The following ZNF385D variants were observed in gnomAD, a reference collection of about 807,000 sequenced individuals.
ZNF385D encodes the protein zinc finger protein 659.
In ZNF385D, 15 loss-of-function variants were observed where a neutral mutation model predicts 35.8. That is an observed-to-expected ratio of 0.42 (90% CI 0.28 to 0.64). ZNF385D has a LOEUF of 0.64. ZNF385D is among the 30% of genes least tolerant of loss of function. The pLI, the probability that ZNF385D is intolerant of heterozygous loss-of-function variation, is 0.23. For missense variants in ZNF385D, 474 were observed against 494.6 expected (o/e 0.96, Z 0.39); for synonymous variants, 212 against 186.8 (o/e 1.13, Z -1.10).
chr3:22,083,789 C>A lies in ZNF385D; in HGVS notation c.325+85028G>T, dbSNP rs577785924. Among the ~76,000 whole-genome samples, 189 of 152,222 alleles carry A rather than the reference C, an allele frequency of 1.2e-3. 1 individual carries two copies. The highest frequency in any genetic ancestry group is 4.4e-3 in the African/African-American group (181 of 41,536). On this transcript the variant is annotated intron_variant, in intron 3 of 5. Transcript: ENST00000494108. ...CTAAGACACATAATTGTCAGATTCA[C>A]CAGGGTTGAAATGAAGGAAAAAATG...
intron 2 of ZNF385D, among the ~76,000 whole-genome samples, chr3:21,602,700 T>C (rs1056985153): frequency 2.2e-5 from 3 of 138,682 alleles, no homozygotes; most frequent in African/African-American, 9.8e-5. Flanking sequence ...GCCCGGCTAA[T>C]TTTTTTGTAT....
chr3:21,625,192 C>G (rs997763808), intron 2 of ZNF385D, among the ~76,000 whole-genome samples: 1 of 152,046 alleles, frequency 6.6e-6, no homozygotes, highest in African/African-American at 2.4e-5. Context: ...AAATAAGAAG[C>G]AAAGGAAATG....
intron 3 of ZNF385D, among the ~76,000 whole-genome samples, chr3:21,956,309 C>A (rs921339201): frequency 6.6e-6 from 1 of 152,032 alleles, no homozygotes; most frequent in African/African-American, 2.4e-5. Flanking sequence ...ATTGTCCCCA[C>A]CTGCTGTATA....
chr3:21,893,753 C>T (rs754331618), intron 3 of ZNF385D, among the ~76,000 whole-genome samples: 20 of 152,270 alleles, frequency 1.3e-4, no homozygotes, highest in Non-Finnish European at 2.2e-4. Flanking sequence ...TATTTTAGAA[C>T]TCAGAGAATT....
intron 3 of ZNF385D, among the ~76,000 whole-genome samples, chr3:22,139,551 T>G (rs1416062909): frequency 7.0e-6 from 1 of 142,930 alleles, no homozygotes; most frequent in South Asian, 2.2e-4. Flanking sequence ...CACTCATAGG[T>G]GGGAATTGAA....
intron 2 of ZNF385D, among the ~76,000 whole-genome samples, chr3:22,371,221 AC>A (rs1696889593): frequency 6.6e-6 from 1 of 152,176 alleles, no homozygotes; most frequent in Non-Finnish European, 1.5e-5. Context: ...AGGGAGGAAG[AC>A]CTTTCCAGTA....
At chr3:22,238,711 T>G (rs1157324617) in intron 2 of ZNF385D, among the ~76,000 whole-genome samples, 1 of 150,760 alleles carries the variant, frequency 6.6e-6, no homozygotes, top group African/African-American at 2.5e-5. Context: ...TATGTGGGTG[T>G]GTAATGTTTC....
intron 2 of ZNF385D, among the ~76,000 whole-genome samples, chr3:21,605,466 G>C (rs879779270): frequency 1.2e-4 from 18 of 152,152 alleles, no homozygotes; most frequent in Non-Finnish European, 2.4e-4. Context: ...ACCTCGTGTA[G>C]GGAACTAAGT....
chr3:21,754,754 C>T (rs533479752), upstream of ZNF385D, among the ~76,000 whole-genome samples: 2 of 152,202 alleles, frequency 1.3e-5, no homozygotes, highest in South Asian at 4.1e-4. Context: ...TTTCTCCTCA[C>T]TGGAATATAA....
At chr3:21,627,718 T>C (rs893363408) in intron 2 of ZNF385D, among the ~76,000 whole-genome samples, 1 of 152,074 alleles carries the variant, frequency 6.6e-6, no homozygotes, top group Admixed American at 6.6e-5. Flanking sequence ...CCATGAAACA[T>C]AGCAAAATGT....
intron 2 of ZNF385D, among the ~76,000 whole-genome samples, chr3:22,190,007 GTGTT>G (rs1397015269): frequency 1.3e-5 from 2 of 152,028 alleles, no homozygotes; most frequent in Non-Finnish European, 2.9e-5. Context: ...TTGCCCTGAT[GTGTT>G]TGTATTGTTT....
At chr3:21,949,599 C>T (rs1189619010) in intron 3 of ZNF385D, among the ~76,000 whole-genome samples, 2 of 142,978 alleles carry the variant, frequency 1.4e-5, no homozygotes, top group Non-Finnish European at 3.0e-5. Context: ...GATACATGCA[C>T]AGAACGTGCA....
rs2066358728 is a variant in ZNF385D at position 21,664,938 on chromosome 3, G to T, written c.113C>A (p.Pro38His). Residue 38 changes from proline (P) to histidine (H), a missense_variant, in exon 2 of 8, where the codon CCC becomes CAC. Physicochemically the swap from Pro to His is moderately conservative, Grantham distance 77 (BLOSUM62 -2). Coordinates refer to ENST00000281523, the MANE Select transcript of ZNF385D (RefSeq NM_024697.3). ...QPSLDIKPFL[P>H]FPLDTAAAVN... ...TGCAGCTGCAGTGTCAAGAGGAAAGGGAAGAAATGGTTTAATATCCAGCGA... is the reference window on the plus strand; with the variant it reads ...TGCAGCTGCAGTGTCAAGAGGAAAGTGAAGAAATGGTTTAATATCCAGCGA... The T allele has an allele frequency of 6.2e-7, 1 of 1,613,768 alleles. No homozygotes were observed. The highest frequency in any genetic ancestry group is 8.5e-7 in the Non-Finnish European group (1 of 1,179,754).
chr3:21,635,356 T>A (rs1371116926), intron 2 of ZNF385D, among the ~76,000 whole-genome samples: 1 of 152,102 alleles, frequency 6.6e-6, no homozygotes, highest in African/African-American at 2.4e-5. Flanking sequence ...ATGATTAATA[T>A]ATATTAACTA....
At chr3:22,139,076 C>T (rs567909565) in intron 3 of ZNF385D, among the ~76,000 whole-genome samples, 22 of 143,230 alleles carry the variant, frequency 1.5e-4, no homozygotes, top group African/African-American at 5.2e-4. Context: ...TACCATCTCA[C>T]ACCAGTTAGA....
At chr3:22,071,303 T>C (rs997988270) in intron 3 of ZNF385D, among the ~76,000 whole-genome samples, 2 of 152,172 alleles carry the variant, frequency 1.3e-5, no homozygotes, top group Non-Finnish European at 2.9e-5. Flanking sequence ...AGTTGAAATC[T>C]TGGCAACATT....
At chr3:22,036,986 G>A (rs1698367013) in intron 3 of ZNF385D, among the ~76,000 whole-genome samples, 4 of 151,090 alleles carry the variant, frequency 2.6e-5, no homozygotes, top group Admixed American at 2.0e-4. Flanking sequence ...CCCTGTGATA[G>A]TTTGCTGAGA....
intron 3 of ZNF385D, among the ~76,000 whole-genome samples, chr3:21,544,616 GTAT>G (rs539947143): frequency 2.0e-4 from 31 of 152,252 alleles, no homozygotes; most frequent in Admixed American, 5.2e-4. Flanking sequence ...TCAAAAAAAG[GTAT>G]TATGTGGTTT....
At chr3:22,138,694 G>A (rs1704311626) in intron 3 of ZNF385D, among the ~76,000 whole-genome samples, 1 of 152,092 alleles carries the variant, frequency 6.6e-6, no homozygotes, top group Admixed American at 6.6e-5. Flanking sequence ...TTACATGTTA[G>A]ACCTAAAACC....
Sources: allele counts gnomAD v4.1 joint callset (sites outside exome capture counted in the v4.1 genomes callset), GRCh38; gene constraint gnomAD v4.1.1; transcripts MANE v1.5; gene names NCBI Gene and HGNC (gene_info 2026-07-23, HGNC 2026-07-21).